The following PRRT4 variants were observed in gnomAD, a reference collection of about 807,000 sequenced individuals.
The protein encoded by PRRT4 is proline rich transmembrane protein 4.
In PRRT4, 59 loss-of-function variants were observed where a neutral mutation model predicts 55.6. The ratio of observed to expected loss-of-function variants is 1.06; its 90% CI spans 0.86 to 1.32. The LOEUF is 1.32. Ranked by LOEUF, PRRT4 falls within the 40% of genes most tolerant of loss-of-function variation. The pLI is 0.00. For synonymous variants in PRRT4, 606 were observed against 601.8 expected (o/e 1.01, Z -0.10); for missense variants, 1,217 against 1,222.0 (o/e 1.00, Z 0.06).
chr7:128,351,440 G>A, exon 5 of PRRT4: 1 of 1,525,370 alleles, frequency 6.6e-7, no homozygotes, highest in Non-Finnish European at 8.8e-7. Flanking sequence ...GCCGGGGACG[G>A]GGCCGGGTTG....
At chr7:128,352,205 C>T (rs1306018296) in exon 5 of PRRT4, 1 of 1,520,698 alleles carries the variant, frequency 6.6e-7, no homozygotes, top group Non-Finnish European at 8.8e-7. Context: ...AGCAGGCAGG[C>T]CAGCCCCAGG....
At chr7:128,359,904 G>T in exon 2 of PRRT4, 2 of 1,461,988 alleles carry the variant, frequency 1.4e-6, no homozygotes, top group South Asian at 2.8e-5. Context: ...GGGGCACCTG[G>T]GATGGAGGGG....
Position 128,353,457 on chromosome 7 carries a change from GCA to G in PRRT4, c.878-781_878-780del, listed in dbSNP as rs138190898. On this transcript the variant is annotated intron_variant, in intron 4 of 4. Coordinates refer to ENST00000535159, the Ensembl canonical transcript of PRRT4. ...CACACATGTGCATACACACATACACGCACACACACACACACACGTACATCAGG... is the reference window on the plus strand; with the variant it reads ...CACACATGTGCATACACACATACACGCACACACACACACACGTACATCAGG... Among the ~76,000 whole-genome samples, 250 of 149,706 alleles carry G rather than the reference GCA, an allele frequency of 1.7e-3. 2 individuals carry two copies. Among genetic ancestry groups the G allele is most frequent in the East Asian group, 5.3e-3 (27 of 5,104 alleles).
intron 4 of PRRT4, among the ~76,000 whole-genome samples, chr7:128,354,073 G>A (rs1159756989): frequency 6.6e-6 from 1 of 152,200 alleles, no homozygotes; most frequent in East Asian, 1.9e-4. Context: ...AGAAGAAAGG[G>A]TGGCGAAGGA....
chr7:128,361,097 T>TCACA (rs1384355573), intron 1 of PRRT4, among the ~76,000 whole-genome samples: 12 of 136,386 alleles, frequency 8.8e-5, no homozygotes, highest in African/African-American at 2.6e-4. Context: ...TCTCTCTCTC[T>TCACA]CTCTCTCACA....
exon 2 of PRRT4, chr7:128,359,588 C>T (rs1429824325): frequency 8.0e-6 from 12 of 1,508,746 alleles, no homozygotes; most frequent in South Asian, 1.3e-5. Context: ...GGGCCCAGAG[C>T]GCCGGGATGT....
chr7:128,354,002 T>G (rs1036384698), intron 4 of PRRT4, among the ~76,000 whole-genome samples: 2 of 152,224 alleles, frequency 1.3e-5, no homozygotes, highest in Non-Finnish European at 2.9e-5. Flanking sequence ...TGCTGGAAGC[T>G]GAACCTCTAT....
exon 5 of PRRT4, chr7:128,352,334 ACAG>A (rs1584679589): frequency 6.5e-7 from 1 of 1,541,200 alleles, no homozygotes. Context: ...GTCCCGGCCG[ACAG>A]CAGCAGCAGG....
intron 4 of PRRT4, among the ~76,000 whole-genome samples, chr7:128,357,483 T>G (rs1224308492): frequency 6.6e-6 from 1 of 152,130 alleles, no homozygotes; most frequent in East Asian, 1.9e-4. Flanking sequence ...GCCGACAGAC[T>G]GCCAGCCAGC....
At chr7:128,351,861 G>A in exon 5 of PRRT4, 1 of 1,341,962 alleles carries the variant, frequency 7.5e-7, no homozygotes, top group Non-Finnish European at 9.5e-7. Context: ...GCCCGAAGGT[G>A]CCCGCCACCG....
exon 5 of PRRT4, chr7:128,352,483 C>A: frequency 6.5e-7 from 1 of 1,540,682 alleles, no homozygotes; most frequent in Non-Finnish European, 8.7e-7. Flanking sequence ...CAGCCCCCAG[C>A]GAGCCCTGGC....
chr7:128,351,505 C>T, exon 5 of PRRT4: 1 of 1,500,164 alleles, frequency 6.7e-7, no homozygotes. Flanking sequence ...GAGGTCTGGG[C>T]CTGGCCCTGC....
chr7:128,355,190 T>TTTTGTTTG (rs367624034), intron 4 of PRRT4, among the ~76,000 whole-genome samples: 38 of 152,178 alleles, frequency 2.5e-4, no homozygotes, highest in African/African-American at 9.2e-4. Context: ...ACTTTGGGTT[T>TTTTGTTTG]TTTGTTTGTT....
downstream of PRRT4, chr7:128,350,614 C>A (rs1156390981): frequency 5.0e-6 from 3 of 596,388 alleles, no homozygotes; most frequent in East Asian, 9.0e-5. Context: ...GAAAATGGGA[C>A]CCCTGCCAAC....
exon 5 of PRRT4, chr7:128,352,300 T>C: frequency 6.5e-7 from 1 of 1,543,124 alleles, no homozygotes; most frequent in Non-Finnish European, 8.7e-7. Flanking sequence ...ATAGGCGTCG[T>C]AGAAGAGCGG....
At position 128,351,341 on chromosome 7, in the gene PRRT4, C is replaced by A; in HGVS notation, c.2215G>T (p.Glu739Ter). 2.6e-6 allele frequency: 4 copies of A among 1,547,070 alleles called. No individual in the cohort carries two copies. Among genetic ancestry groups the A allele is most frequent in the Non-Finnish European group, 2.6e-6 (3 of 1,146,658 alleles). Residue 739 changes from glutamate (E) to a stop codon, truncating the protein, a stop_gained, in exon 5 of 5, where the codon GAG becomes TAG. Coordinates refer to ENST00000535159, the Ensembl canonical transcript of PRRT4. LOFTEE classifies it high-confidence loss of function. ...AAGAGGCCAGGCGCAAGCAGGGCCT[C>A]GCTGCAGAGGGCCTCCTCGATGCTG... is the stretch of plus-strand genomic sequence containing the variant.
exon 5 of PRRT4, chr7:128,351,729 C>A: frequency 6.8e-7 from 1 of 1,471,030 alleles, no homozygotes; most frequent in Non-Finnish European, 8.9e-7. Flanking sequence ...GCGCGACGCC[C>A]ACCTCGCCCA....
exon 5 of PRRT4, chr7:128,352,533 C>T (rs1326260621): frequency 1.3e-6 from 2 of 1,544,004 alleles, no homozygotes; most frequent in Non-Finnish European, 1.7e-6. Context: ...AAAAGAGGGG[C>T]CTCGGCGCCT....
chr7:128,350,574 C>T, downstream of PRRT4: 1 of 485,152 alleles, frequency 2.1e-6, no homozygotes, highest in Non-Finnish European at 3.7e-6. Flanking sequence ...AGTGGAGCAC[C>T]TTGGAGCTTT....
Sources: allele counts gnomAD v4.1 joint callset (sites outside exome capture counted in the v4.1 genomes callset), GRCh38; gene constraint gnomAD v4.1.1; transcripts MANE v1.5; gene names NCBI Gene and HGNC (gene_info 2026-07-23, HGNC 2026-07-21).